LRRIQ3: variants seen among roughly 807,000 people sequenced by gnomAD.
LRRIQ3 encodes leucine-rich repeat and IQ domain-containing protein 3.
A neutral mutation model predicts 59.3 loss-of-function variants in LRRIQ3; 75 were observed. The observed-to-expected ratio is 1.26, with a 90% confidence interval of 1.05 to 1.53. The LOEUF is 1.53. LRRIQ3 is among the 40% of genes most tolerant of loss of function. The pLI is 0.00. For missense variants in LRRIQ3, 831 were observed against 710.0 expected (o/e 1.17, Z -1.94); for synonymous variants, 250 against 231.3 (o/e 1.08, Z -0.73).
chr1:74,074,768 A>G lies in LRRIQ3; in HGVS notation c.890T>C (p.Leu297Ser). 7.2e-7 allele frequency: 1 copy of G among 1,392,164 alleles called. No homozygotes were observed. Among genetic ancestry groups the G allele is most frequent in the Admixed American group, 2.3e-5 (1 of 44,308 alleles). The allele number at this position is 1,392,164 out of a possible 1,614,324, so 86.2% of individuals were successfully genotyped here. Residue 297 changes from leucine (L) to serine (S), a missense_variant, in exon 6 of 8, where the codon TTA becomes TCA. Coordinates refer to ENST00000354431, the MANE Select transcript of LRRIQ3 (RefSeq NM_001105659.2). ...WKHNIYYPVD[L>S]KNSSEHRKHV... Reference sequence around the variant, plus strand: ...TTTTCTGTGTTCACTGGAATTTTTTAAATCAACAGGATAATATATATTCTG... The same window carrying G: ...TTTTCTGTGTTCACTGGAATTTTTTGAATCAACAGGATAATATATATTCTG...
At chr1:74,134,723 T>C (rs1269238767) in intron 4 of LRRIQ3, among the ~76,000 whole-genome samples, 1 of 151,554 alleles carries the variant, frequency 6.6e-6, no homozygotes, top group African/African-American at 2.4e-5. Context: ...CTGTAGTACA[T>C]AGAGCAACCA....
In LRRIQ3 at chr1:74,041,599, G is replaced by A. The variant is rs1181622939; in HGVS notation, c.1332C>T (p.Ala444=). 1.2e-6 allele frequency: 2 copies of A among 1,613,686 alleles called. No individual in the cohort carries two copies. Among genetic ancestry groups the A allele is most frequent in the Admixed American group, 3.3e-5 (2 of 59,984 alleles). Residue 444 remains alanine (A), a synonymous_variant, in exon 7 of 8, where the codon GCC becomes GCT. Coordinates refer to ENST00000354431, the MANE Select transcript of LRRIQ3 (RefSeq NM_001105659.2). ...EYHKEKVRVV[A]MAQVARERVR... ...CTCTTTCTCGAGCAACTTGTGCCAT[G>A]GCTACAACTCTTACTTTTTCTTTAT...
chr1:74,133,316 G>C (rs1302424994), intron 4 of LRRIQ3, among the ~76,000 whole-genome samples: 1 of 152,108 alleles, frequency 6.6e-6, no homozygotes. Flanking sequence ...ATTCCTCAGG[G>C]ATCTAGAACT....
At chr1:74,145,262 CAA>C (rs1330003204) in intron 4 of LRRIQ3, among the ~76,000 whole-genome samples, 4 of 152,098 alleles carry the variant, frequency 2.6e-5, no homozygotes, top group African/African-American at 9.7e-5. Flanking sequence ...ACAAGGACAA[CAA>C]AAGGGTATTC....
chr1:74,041,616 T>C lies in LRRIQ3; in HGVS notation c.1315A>G (p.Lys439Glu), dbSNP rs267598712. 1 of 1,613,850 alleles carries C rather than the reference T, an allele frequency of 6.2e-7. No individual in the cohort carries two copies. Among genetic ancestry groups the C allele is most frequent in the East Asian group, 2.2e-5 (1 of 44,848 alleles). ...TGTGCCATGGCTACAACTCTTACTT[T>C]TTCTTTATGGTATTCCTGCTTCTTT... ...EQKKQEYHKE[K>E]VRVVAMAQVA... is the part of the protein sequence containing the mutation. The change falls in exon 7 of 8, where the codon AAA (lysine) becomes GAA (glutamate). Residue 439 changes from lysine to glutamate, a missense_variant. Transcript: ENST00000354431.
At chr1:74,188,903 C>A (rs1171846607) in intron 1 of LRRIQ3, among the ~76,000 whole-genome samples, 2 of 152,108 alleles carry the variant, frequency 1.3e-5, no homozygotes, top group Non-Finnish European at 2.9e-5. Flanking sequence ...CCAATAATCA[C>A]TTGCAAAACA....
At chr1:74,183,260 C>T (rs1006831791) in intron 2 of LRRIQ3, 176 bp downstream of exon 2, 1 of 465,004 alleles carries the variant, frequency 2.2e-6, no homozygotes. Context: ...TTTTCATTTA[C>T]ATCAAAGTGT....
chr1:74,054,355 T>C (rs143462103), intron 6 of LRRIQ3, among the ~76,000 whole-genome samples: 2 of 152,204 alleles, frequency 1.3e-5, no homozygotes, highest in East Asian at 3.9e-4. Context: ...AGTAAAAACA[T>C]CAGTGGTAGC....
intron 7 of LRRIQ3, among the ~76,000 whole-genome samples, chr1:74,027,214 A>T (rs1653543167): frequency 6.6e-6 from 1 of 152,070 alleles, no homozygotes; most frequent in African/African-American, 2.4e-5. Flanking sequence ...CCAAAGAGGC[A>T]TCTAAACTAC....
intron 4 of LRRIQ3, among the ~76,000 whole-genome samples, chr1:74,149,448 A>G (rs1647785508): frequency 6.6e-6 from 1 of 152,128 alleles, no homozygotes; most frequent in Admixed American, 6.5e-5. Context: ...AAAAAATTGT[A>G]ATTTTTGATA....
At chr1:74,035,229 CTG>C (rs1175170477) in intron 7 of LRRIQ3, among the ~76,000 whole-genome samples, 2 of 152,140 alleles carry the variant, frequency 1.3e-5, no homozygotes, top group East Asian at 3.9e-4. Context: ...TTGCACCTAT[CTG>C]TGAATTTAGT....
At chr1:74,094,379 G>T (rs1467222936) in intron 5 of LRRIQ3, among the ~76,000 whole-genome samples, 1 of 152,022 alleles carries the variant, frequency 6.6e-6, no homozygotes, top group Non-Finnish European at 1.5e-5. Flanking sequence ...TTGTAAGAGG[G>T]AGGCAGGACA....
chr1:74,112,753 G>T (rs1646718173), intron 4 of LRRIQ3, among the ~76,000 whole-genome samples: 1 of 152,090 alleles, frequency 6.6e-6, no homozygotes, highest in Admixed American at 6.6e-5. Context: ...CAATATCAGA[G>T]GCTTGCACAA....
intron 1 of LRRIQ3, among the ~76,000 whole-genome samples, chr1:74,188,133 TG>T (rs1391210433): frequency 6.6e-6 from 1 of 152,168 alleles, no homozygotes; most frequent in African/African-American, 2.4e-5. Context: ...TGGATAAAGC[TG>T]GAGGATATTA....
chr1:74,166,343 G>A (rs1648990046), intron 3 of LRRIQ3, among the ~76,000 whole-genome samples: 1 of 151,382 alleles, frequency 6.6e-6, no homozygotes, highest in Non-Finnish European at 1.5e-5. Flanking sequence ...TAGTTTACGT[G>A]TGTAGAATAT....
chr1:74,057,276 T>C (rs1254068636), intron 6 of LRRIQ3, among the ~76,000 whole-genome samples: 4 of 152,030 alleles, frequency 2.6e-5, no homozygotes, highest in African/African-American at 9.7e-5. Context: ...GCCAAAAGAA[T>C]ACAAGTTACT....
At chr1:74,125,221 T>C (rs898286327) in intron 4 of LRRIQ3, among the ~76,000 whole-genome samples, 5 of 152,026 alleles carry the variant, frequency 3.3e-5, no homozygotes, top group Non-Finnish European at 2.9e-5. Context: ...CCTGCAACTA[T>C]ACTGAATTTA....
intron 4 of LRRIQ3, among the ~76,000 whole-genome samples, chr1:74,110,202 T>C (rs905644774): frequency 1.3e-4 from 19 of 151,748 alleles, no homozygotes; most frequent in African/African-American, 4.6e-4. Flanking sequence ...CCCTCTAAGA[T>C]TAAAAACAAA....
chr1:74,047,380 G>A (rs1654236615), intron 6 of LRRIQ3, among the ~76,000 whole-genome samples: 2 of 152,040 alleles, frequency 1.3e-5, no homozygotes, highest in Non-Finnish European at 2.9e-5. Flanking sequence ...CTCATAAGTG[G>A]GAGTTGAACA....
Sources: gnomAD v4.1 joint callset for allele counts (sites outside exome capture counted in the v4.1 genomes callset) on GRCh38, gnomAD v4.1.1 for gene constraint, MANE v1.5 for transcripts, NCBI Gene and HGNC (gene_info 2026-07-23, HGNC 2026-07-21) for gene names.